The following VDR variants were observed in gnomAD, a reference collection of about 807,000 sequenced individuals.
VDR encodes vitamin D3 receptor.
Under a neutral mutation model 39.7 loss-of-function variants are expected in VDR, and 19 were observed. The observed-to-expected ratio is 0.48, with a 90% CI of 0.33 to 0.70. VDR has a LOEUF of 0.70. Among genes scored for constraint, VDR ranks in the 30% least tolerant of loss-of-function variants. The pLI is 0.02. For missense variants in VDR, 442 were observed against 570.5 expected, an observed-to-expected ratio of 0.77 and a Z score of 2.29; for synonymous variants, 242 against 215.8, an observed-to-expected ratio of 1.12 and a Z score of -1.07.
chr12:47,868,631 G>T (rs1406673119), intron 3 of VDR, among the ~76,000 whole-genome samples: 2 of 152,160 alleles, frequency 1.3e-5, no homozygotes, highest in African/African-American at 4.8e-5. Context: ...ACATGAGATT[G>T]GTGTCCCTCC....
chr12:47,844,578 G>A lies in VDR; in HGVS notation c.*168C>T, dbSNP rs1309513616. On this transcript the variant is annotated 3_prime_UTR_variant, in exon 10 of 10. Transcript: ENST00000549336. ...CCGGGGAAAAGCCCGCAGGAAAGGGGTTAGGTTGGACAGGAGAGAGAATGG... is the reference window on the plus strand; with the variant it reads ...CCGGGGAAAAGCCCGCAGGAAAGGGATTAGGTTGGACAGGAGAGAGAATGG... 6 of 896,702 alleles carry A rather than the reference G, an allele frequency of 6.7e-6. 1 individual carries two copies. Among genetic ancestry groups the A allele is most frequent in the Non-Finnish European group, 5.1e-6 (3 of 591,080 alleles). The allele number at this position is 896,702 out of a possible 1,614,324, so 55.5% of individuals were successfully genotyped here. A position where few individuals can be genotyped will look rare whatever the true frequency, so the allele number is the denominator to read the frequency against.
rs1012170593 is a variant in VDR at position 47,877,074 on chromosome 12, C to G, written c.146+1894G>C. On this transcript the variant is annotated intron_variant, in intron 3 of 9. Transcript: ENST00000549336. ...CCAGATTATAAATGCAGATTGAAGT[C>G]TGGTGACGGAATGAGTGAAAGAAAC... Among the ~76,000 whole-genome samples the G allele has an allele frequency of 7.7e-4, 117 of 152,218 alleles. 2 individuals carry two copies. The highest frequency in any genetic ancestry group is 2.0e-4 in the Admixed American group (3 of 15,290).
Position 47,865,116 on chromosome 12 carries a change from T to G in VDR, c.208A>C (p.Lys70Gln), listed in dbSNP as rs755797029. ...CPFNGDCRIT[K>Q]DNRRHCQACR... ...GCCTGGCAGTGGCGTCGGTTGTCCT[T>G]GGTGATGCGGCAGTCCCCGTTGAAG... is the stretch of plus-strand genomic sequence containing the variant. The change falls in exon 4 of 10, where the codon AAG (lysine) becomes CAG (glutamine). Residue 70 changes from lysine (K) to glutamine (Q), a missense_variant. Around this residue, in one of 5 missense-constraint regions of VDR, gnomAD observed 141 missense variants for 141.3 expected, o/e 1.00. Transcript: ENST00000549336. 1 of 1,613,934 alleles carries G rather than the reference T, an allele frequency of 6.2e-7. No homozygotes were observed. Among genetic ancestry groups the G allele is most frequent in the South Asian group, 1.1e-5 (1 of 91,078 alleles).
chr12:47,893,678 C>T (rs1339737242), intron 1 of VDR, among the ~76,000 whole-genome samples: 1 of 152,184 alleles, frequency 6.6e-6, no homozygotes, highest in Non-Finnish European at 1.5e-5. Context: ...CTGCCTCCAC[C>T]AGTCCACTCA....
intron 3 of VDR, among the ~76,000 whole-genome samples, chr12:47,877,259 GTGGC>G (rs1229845011): frequency 6.6e-5 from 10 of 152,218 alleles, no homozygotes; most frequent in East Asian, 1.9e-4. Context: ...CACGAGGAAA[GTGGC>G]TGGCTGGCTG....
intron 1 of VDR, among the ~76,000 whole-genome samples, chr12:47,904,184 A>G (rs1216605573): frequency 6.6e-6 from 1 of 151,966 alleles, no homozygotes; most frequent in East Asian, 1.9e-4. Flanking sequence ...CCCCCAGCCC[A>G]GGCTAGGTCT....
chr12:47,894,968 A>G (rs1263657863), intron 1 of VDR, among the ~76,000 whole-genome samples: 5 of 152,274 alleles, frequency 3.3e-5, no homozygotes, highest in African/African-American at 1.2e-4. Flanking sequence ...CCGTGGCTAC[A>G]ACTCTTACAG....
intron 2 of VDR, among the ~76,000 whole-genome samples, chr12:47,880,359 G>A (rs2137206772): frequency 6.6e-6 from 1 of 152,224 alleles, no homozygotes; most frequent in Non-Finnish European, 1.5e-5. Context: ...GATCTAGGGT[G>A]TGGAATATCA....
At chr12:47,883,154 C>T (rs1414954795) in intron 1 of VDR, among the ~76,000 whole-genome samples, 1 of 152,216 alleles carries the variant, frequency 6.6e-6, no homozygotes, top group Non-Finnish European at 1.5e-5. Context: ...CTACCCCCTC[C>T]ATCTCCAGAT....
intron 2 of VDR, among the ~76,000 whole-genome samples, chr12:47,881,408 T>A (rs887917398): frequency 6.6e-6 from 1 of 152,040 alleles, no homozygotes; most frequent in Non-Finnish European, 1.5e-5. Flanking sequence ...TGGGAGACAA[T>A]TCATTCATAC....
Position 47,883,465 on chromosome 12 carries a change from C to T in VDR, c.-83-691G>A, listed in dbSNP as rs1384445125. 4.6e-5 allele frequency among the ~76,000 whole-genome samples: 7 copies of T among 152,218 alleles called. 1 individual carries two copies. The highest frequency in any genetic ancestry group is 4.6e-4 in the Admixed American group (7 of 15,290). Reference sequence around the variant, plus strand: ...AGCTCTTCCCCAGACATGCTCAACACCCCCAGCTGCAGTAGGGTTGACTCT... The same window carrying T: ...AGCTCTTCCCCAGACATGCTCAACATCCCCAGCTGCAGTAGGGTTGACTCT... On this transcript the variant is annotated intron_variant, in intron 1 of 9. Coordinates refer to ENST00000549336, the MANE Select transcript of VDR (RefSeq NM_000376.3).
At chr12:47,873,234 CTG>C (rs747574174) in intron 3 of VDR, among the ~76,000 whole-genome samples, 3 of 152,032 alleles carry the variant, frequency 2.0e-5, no homozygotes, top group Non-Finnish European at 2.9e-5. Flanking sequence ...CACTTGCTCT[CTG>C]TCTCTCCTGC....
rs1945182804 is a variant in VDR, at chr12:47,842,125, G to A, written c.*2621C>T. 6.6e-6 allele frequency: 1 copy of A among 152,582 alleles called. No individual in the cohort carries two copies. Among genetic ancestry groups the A allele is most frequent in the Admixed American group, 6.5e-5 (1 of 15,284 alleles). The allele number at this position is 152,582 out of a possible 1,614,324, so 9.5% of individuals were successfully genotyped here. A position where few individuals can be genotyped will look rare whatever the true frequency, so the allele number is the denominator to read the frequency against. ...CAGGGCCAGAGGGAGAGCTGGGAAG[G>A]TGGTGACATTACAAAGACAAATGCA... On this transcript the variant is annotated 3_prime_UTR_variant, in exon 10 of 10. Transcript: ENST00000549336.
chr12:47,895,564 AG>A, intron 1 of VDR, among the ~76,000 whole-genome samples: 1 of 152,320 alleles, frequency 6.6e-6, no homozygotes, highest in South Asian at 2.1e-4. Context: ...GGAATTCTAC[AG>A]GAACAGGGTT....
chr12:47,864,779 C>A (rs1009659561), intron 4 of VDR, among the ~76,000 whole-genome samples: 1 of 152,228 alleles, frequency 6.6e-6, no homozygotes, highest in African/African-American at 2.4e-5. Context: ...TCCTTCCTCT[C>A]AGGCCCCACT....
At chr12:47,849,569 G>T (rs1255579715) in intron 7 of VDR, among the ~76,000 whole-genome samples, 1 of 152,158 alleles carries the variant, frequency 6.6e-6, no homozygotes, top group African/African-American at 2.4e-5. Context: ...ATAACTAATG[G>T]AGTTTTTTAA....
chr12:47,877,042 C>T lies in VDR; in HGVS notation c.146+1926G>A, dbSNP rs115675798. On this transcript the variant is annotated intron_variant, in intron 3 of 9. Transcript: ENST00000549336. ...GAATCTCCATATTGACAACTCCTAG[C>T]CCAATGCCAGATTATAAATGCAGAT... is the stretch of plus-strand genomic sequence containing the variant. Among the ~76,000 whole-genome samples, 1,389 of 152,284 alleles carry T rather than the reference C, an allele frequency of 9.1e-3. 30 individuals carry two copies. The highest frequency in any genetic ancestry group is 0.031 in the African/African-American group (1,298 of 41,536).
At chr12:47,865,784 C>T (rs1231910139) in intron 3 of VDR, among the ~76,000 whole-genome samples, 1 of 146,796 alleles carries the variant, frequency 6.8e-6, no homozygotes, top group Admixed American at 6.9e-5. Flanking sequence ...GCTCACTCAG[C>T]TCACTGCAAG....
At chr12:47,896,428 A>G (rs945701081) in intron 1 of VDR, among the ~76,000 whole-genome samples, 1 of 152,080 alleles carries the variant, frequency 6.6e-6, no homozygotes, top group African/African-American at 2.4e-5. Flanking sequence ...CACTTCAGAG[A>G]CAGGATTCAG....
Sources: allele counts gnomAD v4.1 joint callset (sites outside exome capture counted in the v4.1 genomes callset), GRCh38; gene constraint gnomAD v4.1.1; regional missense constraint gnomAD v4.1.1; transcripts MANE v1.5; gene names NCBI Gene and HGNC (gene_info 2026-07-23, HGNC 2026-07-21).